EBF1: variants seen among roughly 807,000 people sequenced by gnomAD.
The protein encoded by EBF1 is transcription factor COE1.
EBF1 carries 10 observed loss-of-function variants against 68.4 expected under a neutral mutation model. The ratio of observed to expected loss-of-function variants is 0.15; its 90% CI spans 0.09 to 0.25. The LOEUF is 0.25. Among genes scored for constraint, EBF1 ranks in the 10% least tolerant of loss-of-function variants. The pLI, the probability that EBF1 is intolerant of heterozygous loss-of-function variation, is 1.00. For missense variants in EBF1, 509 were observed against 794.4 expected, an observed-to-expected ratio of 0.64 and a Z score of 4.32; for synonymous variants, 298 against 299.8, an observed-to-expected ratio of 0.99 and a Z score of 0.06.
intron 10 of EBF1, among the ~76,000 whole-genome samples, chr5:158,739,017 G>A (rs927894535): frequency 1.3e-5 from 2 of 152,162 alleles, no homozygotes; most frequent in Non-Finnish European, 2.9e-5. Context: ...GGCCACCCTA[G>A]TATTTTAAAT....
Position 158,698,351 on chromosome 5 carries a change from T to C in EBF1, c.*760A>G, listed in dbSNP as rs1756067817. ...AGGAGAGAATGAGATCAGATTTAAA[T>C]ATGCAGTTTTAACAATCTGTCTAGA... On this transcript the variant is annotated 3_prime_UTR_variant, in exon 16 of 16. Transcript: ENST00000313708. 4.5e-6 allele frequency: 1 copy of C among 223,644 alleles called. No homozygotes were observed. The highest frequency in any genetic ancestry group is 8.9e-6 in the Non-Finnish European group (1 of 111,840). The allele number at this position is 223,644 out of a possible 1,614,324, so 13.9% of individuals were successfully genotyped here.
intron 6 of EBF1, among the ~76,000 whole-genome samples, chr5:158,924,290 G>A (rs779266668): frequency 5.9e-5 from 9 of 152,208 alleles, no homozygotes; most frequent in Non-Finnish European, 1.0e-4. Context: ...ATGCTGCAGA[G>A]TGGAAGGAGG....
In EBF1 at chr5:158,995,984, T is replaced by C. The variant is rs191491952; in HGVS notation, c.554+77412A>G. Reference sequence around the variant, plus strand: ...TGTCAAGTGCTGCATGAAGAGGACTTAGACTCCCTGAGGATCTCGGCCCTG... The same window carrying C: ...TGTCAAGTGCTGCATGAAGAGGACTCAGACTCCCTGAGGATCTCGGCCCTG... On this transcript the variant is annotated intron_variant, in intron 6 of 15. Coordinates refer to ENST00000313708, the MANE Select transcript of EBF1 (RefSeq NM_024007.5). 9.2e-5 allele frequency among the ~76,000 whole-genome samples: 14 copies of C among 152,266 alleles called. No homozygotes were observed. In the East Asian group the frequency reaches 2.5e-3, roughly 27 times the overall value.
At chr5:159,061,172 T>C (rs1205030000) in intron 6 of EBF1, among the ~76,000 whole-genome samples, 1 of 152,076 alleles carries the variant, frequency 6.6e-6, no homozygotes, top group Non-Finnish European at 1.5e-5. Flanking sequence ...GCTCGACATT[T>C]AATACAGGGT....
intron 6 of EBF1, among the ~76,000 whole-genome samples, chr5:159,006,849 T>C (rs138121662): frequency 1.3e-3 from 202 of 152,152 alleles, no homozygotes; most frequent in African/African-American, 3.9e-3. Flanking sequence ...TAACAGAAGG[T>C]TTCTGTCTAA....
chr5:158,968,386 A>G (rs191135014), intron 6 of EBF1, among the ~76,000 whole-genome samples: 100 of 152,360 alleles, frequency 6.6e-4, no homozygotes, highest in African/African-American at 2.4e-3. Context: ...TCGGCCTAAC[A>G]CTGCCACTGC....
At chr5:158,940,753 T>TCCCCCCCCC (rs1561573370) in intron 6 of EBF1, among the ~76,000 whole-genome samples, 4 of 7,654 alleles carry the variant, frequency 5.2e-4, no homozygotes, top group Non-Finnish European at 6.4e-4. Flanking sequence ...TGCACCCCCT[T>TCCCCCCCCC]CACCCCACCG....
At chr5:158,778,599 T>C (rs1210084877) in intron 9 of EBF1, among the ~76,000 whole-genome samples, 1 of 152,140 alleles carries the variant, frequency 6.6e-6, no homozygotes, top group African/African-American at 2.4e-5. Flanking sequence ...GTTTGAGTGT[T>C]TTGCCCAGAG....
At chr5:158,872,165 A>G (rs1019907638) in intron 6 of EBF1, among the ~76,000 whole-genome samples, 2 of 151,766 alleles carry the variant, frequency 1.3e-5, no homozygotes, top group African/African-American at 4.8e-5. Context: ...GGACTTTCCT[A>G]TCTACCCAAG....
chr5:158,976,750 T>C (rs958041607), intron 6 of EBF1, among the ~76,000 whole-genome samples: 1 of 152,228 alleles, frequency 6.6e-6, no homozygotes, highest in African/African-American at 2.4e-5. Flanking sequence ...GAGATTCTAA[T>C]AGTTTCAAGC....
intron 15 of EBF1, among the ~76,000 whole-genome samples, chr5:158,699,368 C>A (rs930044251): frequency 3.4e-5 from 5 of 148,036 alleles, no homozygotes; most frequent in South Asian, 2.1e-4. Flanking sequence ...TTTAACAGAA[C>A]AAAATATCCT....
intron 6 of EBF1, among the ~76,000 whole-genome samples, chr5:158,915,702 G>A (rs977729388): frequency 6.6e-6 from 1 of 152,210 alleles, no homozygotes. Context: ...AGGCAGAGAA[G>A]GGGGTTAGTG....
chr5:158,764,811 A>C (rs1279927707), intron 10 of EBF1, among the ~76,000 whole-genome samples: 1 of 152,168 alleles, frequency 6.6e-6, no homozygotes, highest in Non-Finnish European at 1.5e-5. Flanking sequence ...AGATATTGAA[A>C]GGTATAATCA....
chr5:159,089,471 A>G (rs1041315038), intron 4 of EBF1, among the ~76,000 whole-genome samples: 2 of 152,156 alleles, frequency 1.3e-5, no homozygotes, highest in Non-Finnish European at 2.9e-5. Context: ...GTTAATTGAA[A>G]CTTACTATGG....
chr5:158,841,326 T>C (rs1790298170), intron 6 of EBF1, among the ~76,000 whole-genome samples: 2 of 152,342 alleles, frequency 1.3e-5, no homozygotes, highest in East Asian at 1.9e-4. Flanking sequence ...GGGGCATTCA[T>C]GTCTACCACC....
intron 6 of EBF1, among the ~76,000 whole-genome samples, chr5:159,009,517 G>A (rs1448610952): frequency 6.6e-6 from 1 of 152,176 alleles, no homozygotes; most frequent in Non-Finnish European, 1.5e-5. Flanking sequence ...TTAAACTTTA[G>A]AGTGAGAATT....
intron 9 of EBF1, among the ~76,000 whole-genome samples, chr5:158,781,891 T>G (rs888087450): frequency 1.3e-5 from 2 of 152,200 alleles, no homozygotes; most frequent in Non-Finnish European, 2.9e-5. Flanking sequence ...TATTATGCCC[T>G]GCCTCAAACC....
chr5:158,918,360 C>T (rs142008452), intron 6 of EBF1, among the ~76,000 whole-genome samples: 4 of 152,294 alleles, frequency 2.6e-5, no homozygotes, highest in Non-Finnish European at 4.4e-5. Context: ...AAGGCAGAAT[C>T]CTCAGGCTCA....
chr5:158,801,304 G>T (rs1308558479), intron 8 of EBF1, among the ~76,000 whole-genome samples: 1 of 152,080 alleles, frequency 6.6e-6, no homozygotes, highest in East Asian at 1.9e-4. Flanking sequence ...GGCACAAAAT[G>T]CTAATTCTGA....
Sources: allele counts gnomAD v4.1 joint callset (sites outside exome capture counted in the v4.1 genomes callset), GRCh38; gene constraint gnomAD v4.1.1; transcripts MANE v1.5; gene names NCBI Gene and HGNC (gene_info 2026-07-23, HGNC 2026-07-21).